CHST9: variants seen among roughly 807,000 people sequenced by gnomAD.
The protein encoded by CHST9 is GalNAc-4-sulfotransferase 2.
A neutral mutation model predicts 44.4 loss-of-function variants in CHST9; 41 were observed. The observed-to-expected ratio is 0.92, with a 90% CI of 0.72 to 1.20. The LOEUF (loss-of-function observed/expected upper bound fraction) is 1.20, where lower values mean the gene tolerates loss of function less well. Among genes scored for constraint, CHST9 ranks in the 50% most tolerant of loss-of-function variants. The pLI, the probability that CHST9 is intolerant of heterozygous loss-of-function variation, is 0.00. For missense variants in CHST9, 504 were observed against 516.5 expected (o/e 0.98, Z 0.23); for synonymous variants, 171 against 178.4 (o/e 0.96, Z 0.33).
intron 2 of CHST9, among the ~76,000 whole-genome samples, chr18:27,056,198 G>T (rs892215694): frequency 6.6e-6 from 1 of 151,828 alleles, no homozygotes; most frequent in East Asian, 1.9e-4. Flanking sequence ...TTTTTATCAG[G>T]TAAGTATTTA....
At chr18:26,929,696 C>A (rs973475666) in intron 5 of CHST9, among the ~76,000 whole-genome samples, 13 of 152,138 alleles carry the variant, frequency 8.5e-5, no homozygotes, top group Non-Finnish European at 1.8e-4. Context: ...ATGTGTCCAT[C>A]TCCCTTTTGG....
chr18:27,152,704 A>C (rs2058668358), intron 1 of CHST9, among the ~76,000 whole-genome samples: 1 of 152,146 alleles, frequency 6.6e-6, no homozygotes, highest in African/African-American at 2.4e-5. Context: ...TCTGGACTCA[A>C]ATTATAATTT....
At chr18:27,133,175 T>C (rs1003995910) in intron 2 of CHST9, among the ~76,000 whole-genome samples, 114 of 152,212 alleles carry the variant, frequency 7.5e-4, no homozygotes, top group African/African-American at 2.6e-3. Flanking sequence ...TACATTGTAA[T>C]ATGGCAGTTC....
intron 3 of CHST9, among the ~76,000 whole-genome samples, chr18:27,041,446 C>T (rs1366858487): frequency 6.6e-6 from 1 of 152,092 alleles, no homozygotes; most frequent in African/African-American, 2.4e-5. Context: ...CAAGGAGGCA[C>T]CCTGTGAAAT....
At chr18:27,069,764 A>G (rs2057819561) in intron 2 of CHST9, among the ~76,000 whole-genome samples, 1 of 152,186 alleles carries the variant, frequency 6.6e-6, no homozygotes, top group Non-Finnish European at 1.5e-5. Context: ...AATTAAACAG[A>G]TATGTGAAAA....
intron 1 of CHST9, among the ~76,000 whole-genome samples, chr18:27,180,082 A>G (rs1187358373): frequency 6.6e-6 from 1 of 152,112 alleles, no homozygotes; most frequent in Non-Finnish European, 1.5e-5. Flanking sequence ...AATTTTCCCT[A>G]TACCATTAAC....
chr18:27,149,452 G>A (rs56182142), intron 1 of CHST9, among the ~76,000 whole-genome samples: 65,355 of 151,838 alleles, frequency 0.43, 14,505 homozygotes, highest in East Asian at 0.63. Context: ...ACTGATGGGC[G>A]TTTAGGTCAA....
At chr18:26,995,738 T>G (rs2056880657) in intron 4 of CHST9, among the ~76,000 whole-genome samples, 1 of 152,182 alleles carries the variant, frequency 6.6e-6, no homozygotes. Flanking sequence ...TAAATTGAGA[T>G]GAAAAACCTA....
chr18:27,067,756 G>T (rs2057797510), intron 2 of CHST9, among the ~76,000 whole-genome samples: 1 of 152,066 alleles, frequency 6.6e-6, no homozygotes, highest in Non-Finnish European at 1.5e-5. Context: ...TGGCCCTGAT[G>T]ATTCTAGGAA....
intron 4 of CHST9, among the ~76,000 whole-genome samples, chr18:27,012,540 A>G (rs1216064467): frequency 1.3e-5 from 2 of 152,182 alleles, no homozygotes; most frequent in Non-Finnish European, 2.9e-5. Flanking sequence ...GAGGCAGAGG[A>G]AAATTCACAT....
chr18:27,089,528 G>C (rs1377594045), intron 2 of CHST9, among the ~76,000 whole-genome samples: 1 of 152,058 alleles, frequency 6.6e-6, no homozygotes, highest in East Asian at 1.9e-4. Flanking sequence ...TCTTAATCCA[G>C]TCTATCATTG....
At chr18:27,086,505 G>T (rs1336111946) in intron 2 of CHST9, among the ~76,000 whole-genome samples, 1 of 152,114 alleles carries the variant, frequency 6.6e-6, no homozygotes. Flanking sequence ...TCATCTCACT[G>T]AATTCTGACA....
chr18:27,149,285 G>T (rs892134328), intron 1 of CHST9, among the ~76,000 whole-genome samples: 1 of 151,702 alleles, frequency 6.6e-6, no homozygotes. Context: ...GTCAATTTTA[G>T]CTTTTGTTGC....
chr18:27,040,061 T>C (rs1199578683), intron 3 of CHST9, among the ~76,000 whole-genome samples: 1 of 152,118 alleles, frequency 6.6e-6, no homozygotes, highest in Non-Finnish European at 1.5e-5. Flanking sequence ...CAAGTACAGA[T>C]TGTTTCTATA....
intron 2 of CHST9, among the ~76,000 whole-genome samples, chr18:27,067,872 T>C (rs1264827222): frequency 2.6e-5 from 4 of 152,142 alleles, no homozygotes; most frequent in African/African-American, 7.2e-5. Context: ...AAAGCAGATA[T>C]TTAAAATAAT....
intron 2 of CHST9, among the ~76,000 whole-genome samples, chr18:27,054,706 A>T (rs1293010462): frequency 6.6e-6 from 1 of 152,190 alleles, no homozygotes; most frequent in African/African-American, 2.4e-5. Context: ...AACCACAGGC[A>T]CATAAATGGC....
chr18:27,060,441 A>G (rs1049661239), intron 2 of CHST9, among the ~76,000 whole-genome samples: 1 of 152,346 alleles, frequency 6.6e-6, no homozygotes, highest in African/African-American at 2.4e-5. Context: ...GCACTGGCAC[A>G]GTGCAGCTCA....
chr18:27,010,377 C>T (rs1209651087), intron 4 of CHST9, among the ~76,000 whole-genome samples: 1 of 152,110 alleles, frequency 6.6e-6, no homozygotes. Flanking sequence ...AAGTCATTGG[C>T]CACACATGAA....
chr18:27,028,955 G>A (rs1164433674), intron 3 of CHST9, among the ~76,000 whole-genome samples: 1 of 152,186 alleles, frequency 6.6e-6, no homozygotes, highest in South Asian at 2.1e-4. Context: ...GGACAAGGAG[G>A]AAGAGCATGA....
Sources: allele counts gnomAD v4.1 joint callset (sites outside exome capture counted in the v4.1 genomes callset), GRCh38; gene constraint gnomAD v4.1.1; transcripts MANE v1.5; gene names NCBI Gene and HGNC (gene_info 2026-07-23, HGNC 2026-07-21).